NEURL1: variants seen among roughly 807,000 people sequenced by gnomAD.
NEURL1 encodes the protein E3 ubiquitin-protein ligase NEURL1.
A neutral mutation model predicts 41.2 loss-of-function variants in NEURL1; 26 were observed. The observed-to-expected ratio is 0.63, with a 90% confidence interval of 0.46 to 0.87. The LOEUF (loss-of-function observed/expected upper bound fraction) is 0.87. Among genes scored for constraint, NEURL1 ranks in the 40% least tolerant of loss-of-function variants. NEURL1 has a pLI of 0.00. For missense variants in NEURL1, 761 were observed against 871.1 expected (o/e 0.87, Z 1.59); for synonymous variants, 400 against 402.3 (o/e 0.99, Z 0.07).
chr10:103,539,171 T>C (rs919501137), intron 1 of NEURL1, among the ~76,000 whole-genome samples: 1 of 152,040 alleles, frequency 6.6e-6, no homozygotes, highest in Non-Finnish European at 1.5e-5. Flanking sequence ...GGTCTTGAAC[T>C]CCTGGGTTCA....
chr10:103,585,271 G>A lies in NEURL1; in HGVS notation c.1339+46G>A, dbSNP rs373271963. 9.0e-4 allele frequency: 1,284 copies of A among 1,423,420 alleles called. 1 individual carries two copies. The highest frequency in any genetic ancestry group is 1.1e-3 in the Non-Finnish European group (1,199 of 1,081,514). 88.2% of individuals were successfully genotyped at this position (1,423,420 alleles called of 1,614,324 possible). ...CTGGGCGTATGCCTTTCCTGGAGGCGGGGACGATCCGGGTAGGAGACAAAG... is the reference window on the plus strand; with the variant it reads ...CTGGGCGTATGCCTTTCCTGGAGGCAGGGACGATCCGGGTAGGAGACAAAG... On this transcript the variant is annotated intron_variant, in intron 4 of 5. Coordinates refer to ENST00000369780, the MANE Select transcript of NEURL1 (RefSeq NM_004210.5).
rs189883637 is a variant in NEURL1 at position 103,532,039 on chromosome 10, A to G, written c.85+37567A>G. Among the ~76,000 whole-genome samples the G allele has an allele frequency of 1.1e-3, 169 of 152,312 alleles. 2 individuals carry two copies. Among genetic ancestry groups the G allele is most frequent in the African/African-American group, 4.0e-3 (165 of 41,578 alleles). ...ATTTTGGTTTCTGTTTGCATGGAAT[A>G]TCTTTATCCATCCCTTCATTTTCAG... On this transcript the variant is annotated intron_variant, in intron 1 of 5. Coordinates refer to ENST00000369780, the MANE Select transcript of NEURL1 (RefSeq NM_004210.5).
intron 1 of NEURL1, among the ~76,000 whole-genome samples, chr10:103,504,235 C>A (rs1234624186): frequency 3.9e-5 from 6 of 152,016 alleles, no homozygotes; most frequent in Non-Finnish European, 8.8e-5. Context: ...TTGTGATCTG[C>A]CCTCCTCGGC....
At position 103,570,931 on chromosome 10, in the gene NEURL1, T is replaced by C. The variant is rs759183606; in HGVS notation, c.145T>C (p.Cys49Arg). 1.5e-5 allele frequency: 25 copies of C among 1,613,778 alleles called. No individual in the cohort carries two copies. The highest frequency in any genetic ancestry group is 2.7e-5 in the African/African-American group (2 of 74,886). ...SHRCHHKQKH[C>R]PAVLPSGGLP... ...CCGATGCCACCACAAGCAGAAGCACTGTCCGGCAGTGCTGCCCAGCGGGGG... is the reference window on the plus strand; with the variant it reads ...CCGATGCCACCACAAGCAGAAGCACCGTCCGGCAGTGCTGCCCAGCGGGGG... The change falls in exon 2 of 6, where the codon TGT (cysteine) becomes CGT (arginine). Residue 49 changes from cysteine to arginine, a missense_variant. Transcript: ENST00000369780.
chr10:103,585,103 A>T lies in NEURL1; in HGVS notation c.1217A>T (p.Asp406Val). Reference protein sequence around the residue: ...GDILGLVVNADGELHLSHNGA... With the variant: ...GDILGLVVNAVGELHLSHNGA... ...ATCCTGGGCCTGGTGGTCAACGCCG[A>T]CGGCGAGCTGCACCTCAGCCACAAT... The change falls in exon 4 of 6, where the codon GAC becomes GTC. Residue 406 changes from aspartate to valine, a missense_variant. Around this residue, in one of 5 missense-constraint regions of NEURL1, gnomAD observed 443 missense variants for 408.1 expected, o/e 1.09. Transcript: ENST00000369780. 1 of 1,590,072 alleles carries T rather than the reference A, an allele frequency of 6.3e-7. No individual in the cohort carries two copies. Among genetic ancestry groups the T allele is most frequent in the Non-Finnish European group, 8.5e-7 (1 of 1,176,112 alleles).
In NEURL1 at chr10:103,590,153, A is replaced by G; in HGVS notation, c.1506A>G (p.Pro502=). Residue 502 remains proline (P), a synonymous_variant, in exon 6 of 6, where the codon CCA becomes CCG. Transcript: ENST00000369780. The part of the protein sequence containing the change: ...SSAGGTAPNS[P]VSLPESPVTP... Reference sequence around the variant, plus strand: ...CCTCAGGGACAGCCCCCAATTCGCCAGTGAGCCTGCCCGAGTCGCCAGTGA... The same window carrying G: ...CCTCAGGGACAGCCCCCAATTCGCCGGTGAGCCTGCCCGAGTCGCCAGTGA... 1.9e-6 allele frequency: 3 copies of G among 1,614,050 alleles called. No homozygotes were observed. Among genetic ancestry groups the G allele is most frequent in the Non-Finnish European group, 2.5e-6 (3 of 1,180,036 alleles).
In NEURL1 at chr10:103,566,096, CT is replaced by C. The variant is rs985738504; in HGVS notation, c.86-4766del. 1.4e-4 allele frequency among the ~76,000 whole-genome samples: 21 copies of C among 147,896 alleles called. No homozygotes were observed. The highest frequency in any genetic ancestry group is 9.8e-4 in the East Asian group (5 of 5,110). On this transcript the variant is annotated intron_variant, in intron 1 of 5. Transcript: ENST00000369780. The surrounding 1 kb of genome is among the most constrained non-coding windows in gnomAD (Gnocchi z 4.2). ...ATATGGAACATTATTTCTTTCTTTT[CT>C]TTTTTTTTTAGAGACAGAATCATGC... is the stretch of plus-strand genomic sequence containing the variant.
At chr10:103,555,464 C>T in intron 1 of NEURL1, 1 of 1,323,382 alleles carries the variant, frequency 7.6e-7, no homozygotes, top group South Asian at 1.2e-5. Context: ...CCGAGACCGC[C>T]TGGGGAGGCC....
At chr10:103,541,674 A>G (rs115530926) in intron 1 of NEURL1, among the ~76,000 whole-genome samples, 1,617 of 152,248 alleles carry the variant, frequency 0.011, 20 homozygotes, top group African/African-American at 0.037. Context: ...CCAGAGGCCC[A>G]TTTTCCTGGA....
intron 1 of NEURL1, among the ~76,000 whole-genome samples, chr10:103,548,319 A>C (rs893417901): frequency 1.3e-5 from 2 of 149,958 alleles, no homozygotes; most frequent in Admixed American, 6.7e-5. Context: ...CCTTGGGGTA[A>C]TATGTATTTT....
intron 1 of NEURL1, chr10:103,555,127 G>C (rs1040238319): frequency 6.0e-6 from 1 of 167,230 alleles, no homozygotes; most frequent in Non-Finnish European, 1.2e-5. Context: ...GGGTGGGAGC[G>C]GGGAGGCGGC....
intron 1 of NEURL1, among the ~76,000 whole-genome samples, chr10:103,563,468 G>A (rs559831370): frequency 6.6e-6 from 1 of 152,210 alleles, no homozygotes; most frequent in Admixed American, 6.5e-5. Flanking sequence ...CCCAGAAAGT[G>A]AGACGAGACT....
At chr10:103,516,204 G>GA (rs2034201159) in intron 1 of NEURL1, among the ~76,000 whole-genome samples, 2 of 140,364 alleles carry the variant, frequency 1.4e-5, no homozygotes, top group African/African-American at 5.4e-5. Context: ...CTCCAGCCTG[G>GA]GTGATAGAGT....
At chr10:103,498,362 G>T (rs937207732) in intron 1 of NEURL1, among the ~76,000 whole-genome samples, 1 of 152,162 alleles carries the variant, frequency 6.6e-6, no homozygotes, top group Non-Finnish European at 1.5e-5. Flanking sequence ...GAGTAGCTGG[G>T]ACTACAGGCG....
chr10:103,514,965 T>C (rs3014181), intron 1 of NEURL1, among the ~76,000 whole-genome samples: 149,165 of 152,222 alleles, frequency 0.98, 73,109 homozygotes, highest in East Asian at 1. Flanking sequence ...AGGTGGCTCA[T>C]GGCTGTAATC....
At chr10:103,590,061 G>T (rs1254111592) in intron 5 of NEURL1, 73 bp from the exon 6 acceptor site, 1 of 1,415,614 alleles carries the variant, frequency 7.1e-7, no homozygotes, top group African/African-American at 1.4e-5. Context: ...AAGAGGCCGG[G>T]GAGCTCTCTT....
intron 1 of NEURL1, among the ~76,000 whole-genome samples, chr10:103,504,891 T>C (rs1237432627): frequency 2.0e-5 from 3 of 152,306 alleles, no homozygotes; most frequent in Middle Eastern, 3.4e-3. Flanking sequence ...GGAAGTGACC[T>C]GAAAATGAGT....
Position 103,494,217 on chromosome 10 carries a change from G to C in NEURL1, c.-171G>C, listed in dbSNP as rs981929187. ...GCGGGCGGAACCCGCCAAGGACCGCGAAGTCCAGAGAAAGGAAGCTGAGGA... is the reference window on the plus strand; with the variant it reads ...GCGGGCGGAACCCGCCAAGGACCGCCAAGTCCAGAGAAAGGAAGCTGAGGA... On this transcript the variant is annotated 5_prime_UTR_variant, in exon 1 of 6. Coordinates refer to ENST00000369780, the MANE Select transcript of NEURL1 (RefSeq NM_004210.5). The C allele has an allele frequency of 3.8e-6, 2 of 531,334 alleles. No individual in the cohort carries two copies. The highest frequency in any genetic ancestry group is 2.0e-5 in the African/African-American group (1 of 48,840). 32.9% of individuals were successfully genotyped at this position (531,334 alleles called of 1,614,324 possible). A position where few individuals can be genotyped will look rare whatever the true frequency, so the allele number is the denominator to read the frequency against.
chr10:103,527,625 C>T (rs759365231), intron 1 of NEURL1, among the ~76,000 whole-genome samples: 4 of 152,088 alleles, frequency 2.6e-5, no homozygotes, highest in South Asian at 2.1e-4. Flanking sequence ...GCAGGGTCTT[C>T]GTGACTTGTA....
Sources: gnomAD v4.1 joint callset for allele counts (sites outside exome capture counted in the v4.1 genomes callset) on GRCh38, gnomAD v4.1.1 for gene constraint, gnomAD v4.1.1 regional missense constraint, Gnocchi (gnomAD v3.1) non-coding constraint, MANE v1.5 for transcripts, NCBI Gene and HGNC (gene_info 2026-07-23, HGNC 2026-07-21) for gene names.